RHCE: variants seen among roughly 807,000 people sequenced by gnomAD.
RHCE encodes the protein Rh blood group CcEe antigens.
A neutral mutation model predicts 43.8 loss-of-function variants in RHCE; 22 were observed. The observed-to-expected ratio is 0.50, with a 90% CI of 0.36 to 0.72. The LOEUF (loss-of-function observed/expected upper bound fraction) is 0.72. Ranked by LOEUF, RHCE falls within the 30% of genes least tolerant of loss-of-function variation. The pLI, the probability that RHCE is intolerant of heterozygous loss-of-function variation, is 0.00. For missense variants in RHCE, 385 were observed against 525.4 expected, an observed-to-expected ratio of 0.73 and a Z score of 2.61; for synonymous variants, 156 against 210.7, an observed-to-expected ratio of 0.74 and a Z score of 2.25.
chr1:25,404,911 C>G (rs1257986921), intron 2 of RHCE, among the ~76,000 whole-genome samples: 2 of 151,794 alleles, frequency 1.3e-5, no homozygotes, highest in Non-Finnish European at 2.9e-5. Context: ...ACTTTTAAGG[C>G]CAGGAATGGT....
At chr1:25,411,318 A>C (rs1367414564) in intron 1 of RHCE, 113 of 1,550,192 alleles carry the variant, frequency 7.3e-5, no homozygotes, top group Non-Finnish European at 9.5e-5. Context: ...TCATCATGAC[A>C]ATCACAGCAA....
chr1:25,417,768 G>A (rs1647683276), intron 1 of RHCE, among the ~76,000 whole-genome samples: 1 of 151,968 alleles, frequency 6.6e-6, no homozygotes, highest in South Asian at 2.1e-4. Flanking sequence ...TATAACCATG[G>A]TACATGCTCA....
At chr1:25,381,985 C>G (rs1004377408) in intron 7 of RHCE, among the ~76,000 whole-genome samples, 1 of 151,094 alleles carries the variant, frequency 6.6e-6, no homozygotes, top group Non-Finnish European at 1.5e-5. Context: ...GCTCACAGTT[C>G]TAGAGGCTGG....
At chr1:25,412,745 C>T (rs1647132442) in intron 1 of RHCE, among the ~76,000 whole-genome samples, 1 of 140,054 alleles carries the variant, frequency 7.1e-6, no homozygotes, top group Non-Finnish European at 1.5e-5. Flanking sequence ...AAAAAAAAGG[C>T]CGGGCACAGT....
At chr1:25,411,761 C>T (rs1647086508) in intron 1 of RHCE, among the ~76,000 whole-genome samples, 1 of 152,122 alleles carries the variant, frequency 6.6e-6, no homozygotes, top group South Asian at 2.1e-4. Context: ...CCTCAGGAGC[C>T]AAGCAGGAAA....
chr1:25,399,390 G>A (rs1646658877), intron 3 of RHCE, among the ~76,000 whole-genome samples: 1 of 152,116 alleles, frequency 6.6e-6, no homozygotes, highest in Non-Finnish European at 1.5e-5. Flanking sequence ...TATTTAAGTT[G>A]TGAGACTGAG....
intron 8 of RHCE, among the ~76,000 whole-genome samples, chr1:25,373,134 T>A (rs960296687): frequency 6.6e-6 from 1 of 151,662 alleles, no homozygotes; most frequent in African/African-American, 2.4e-5. Context: ...AAAAACAACA[T>A]GTAAAGAAGA....
In RHCE at chr1:25,390,886, T is replaced by G. The variant is rs1204756180; in HGVS notation, c.664A>C (p.Ser222Arg). The G allele has an allele frequency of 6.2e-7, 1 of 1,614,194 alleles. No homozygotes were observed. Among genetic ancestry groups the G allele is most frequent in the Admixed American group, 1.7e-5 (1 of 60,022 alleles). The change falls in exon 5 of 10, where the codon AGT (serine) becomes CGT (arginine). Residue 222 changes from serine to arginine, a missense_variant. Ser to Arg is a moderately radical substitution (Grantham distance 110, BLOSUM62 -1). This residue lies in a region of RHCE where 110 missense variants were observed against 103.4 expected (regional missense o/e 1.06). Transcript: ENST00000294413. ...CTTCTCAGCAGAGCAGAGTTGACAC[T>G]TGGCCAGAACATCCACAAGAAGAGG... ...GALFLWMFWP[S>R]VNSALLRSPI...
chr1:25,395,628 C>T (rs975085604), intron 3 of RHCE, among the ~76,000 whole-genome samples: 4 of 152,020 alleles, frequency 2.6e-5, no homozygotes, highest in African/African-American at 9.7e-5. Context: ...ACATTTTCTT[C>T]CTGGGAATCA....
chr1:25,429,225 T>TTTG (rs1251957180), intron 1 of RHCE, among the ~76,000 whole-genome samples: 1 of 145,658 alleles, frequency 6.9e-6, no homozygotes, highest in African/African-American at 2.7e-5. Context: ...TGGGAAGTTT[T>TTTG]TTTTTTTTTT....
intron 1 of RHCE, chr1:25,429,183 A>C (rs2042828808): frequency 6.6e-6 from 1 of 150,380 alleles, no homozygotes; most frequent in Non-Finnish European, 1.5e-5. Context: ...GTTCTGTGAA[A>C]CCCAGGACAA....
upstream of RHCE, among the ~76,000 whole-genome samples, chr1:25,425,262 A>G (rs1479789897): frequency 6.6e-6 from 1 of 152,236 alleles, no homozygotes; most frequent in Non-Finnish European, 1.5e-5. Flanking sequence ...GCTGAATAAC[A>G]GCTACCATTT....
intron 7 of RHCE, among the ~76,000 whole-genome samples, chr1:25,384,111 G>T (rs1646079744): frequency 2.0e-5 from 3 of 150,240 alleles, no homozygotes; most frequent in Non-Finnish European, 3.0e-5. Flanking sequence ...CGTAGGTAGG[G>T]CTTGCATTTC....
chr1:25,387,823 A>C (rs765345040), intron 6 of RHCE, among the ~76,000 whole-genome samples: 6 of 151,456 alleles, frequency 4.0e-5, no homozygotes, highest in African/African-American at 9.7e-5. Context: ...TGTATATAAA[A>C]CACTTTTTTT....
upstream of RHCE, among the ~76,000 whole-genome samples, chr1:25,421,518 TCAC>T (rs2042759995): frequency 2.0e-5 from 3 of 152,274 alleles, no homozygotes; most frequent in South Asian, 6.2e-4. Flanking sequence ...CTACCTCTGG[TCAC>T]CTCCTCACAG....
chr1:25,416,033 G>T (rs1352530155), intron 1 of RHCE, among the ~76,000 whole-genome samples: 2 of 150,892 alleles, frequency 1.3e-5, no homozygotes, highest in Non-Finnish European at 3.0e-5. Context: ...ATGGATCTAG[G>T]CTATTCTATC....
At position 25,389,128 on chromosome 1, in the gene RHCE, C is replaced by T. The variant is rs769674618; in HGVS notation, c.802-15G>A. Reference sequence around the variant, plus strand: ...TGCACATAAGTCTGCAAAGAAATAGCGTGTGGGTAAAGGAAGCAAGGTAGA... The same window carrying T: ...TGCACATAAGTCTGCAAAGAAATAGTGTGTGGGTAAAGGAAGCAAGGTAGA... On this transcript the variant is annotated splice_polypyrimidine_tract_variant and intron_variant, in intron 5 of 9. Coordinates refer to ENST00000294413, the MANE Select transcript of RHCE (RefSeq NM_020485.8). 3 of 1,613,338 alleles carry T rather than the reference C, an allele frequency of 1.9e-6. No homozygotes were observed. Among genetic ancestry groups the T allele is most frequent in the East Asian group, 2.2e-5 (1 of 44,870 alleles).
At chr1:25,429,221 GT>G (rs386366538) in intron 1 of RHCE, among the ~76,000 whole-genome samples, 1,394 of 112,340 alleles carry the variant, frequency 0.012, 12 homozygotes, top group African/African-American at 0.042. Context: ...TTCCTGGGAA[GT>G]TTTTTTTTTT....
chr1:25,381,754 G>A (rs945474465), intron 7 of RHCE, among the ~76,000 whole-genome samples: 3 of 149,428 alleles, frequency 2.0e-5, no homozygotes, highest in African/African-American at 7.7e-5. Context: ...CACCGTGCCT[G>A]GCCTAATGCT....
Sources: gnomAD v4.1 joint callset for allele counts (sites outside exome capture counted in the v4.1 genomes callset) on GRCh38, gnomAD v4.1.1 for gene constraint, gnomAD v4.1.1 regional missense constraint, MANE v1.5 for transcripts, NCBI Gene and HGNC (gene_info 2026-07-23, HGNC 2026-07-21) for gene names.